The following GRM1 variants were observed in gnomAD, a reference collection of about 807,000 sequenced individuals.
GRM1 encodes metabotropic glutamate receptor 1.
Under a neutral mutation model 90.9 loss-of-function variants are expected in GRM1, and 33 were observed. The observed-to-expected ratio is 0.36, with a 90% CI of 0.28 to 0.49. GRM1 has a LOEUF of 0.49. Among genes scored for constraint, GRM1 ranks in the 20% least tolerant of loss-of-function variants. GRM1 has a pLI of 0.99. For missense variants in GRM1, 1,190 were observed against 1,534.3 expected, an observed-to-expected ratio of 0.78 and a Z score of 3.75; for synonymous variants, 700 against 613.2, an observed-to-expected ratio of 1.14 and a Z score of -2.09.
chr6:146,430,405 G>C (rs1215958814), intron 7 of GRM1, among the ~76,000 whole-genome samples: 2 of 152,150 alleles, frequency 1.3e-5, no homozygotes, highest in East Asian at 1.9e-4. Flanking sequence ...CTCTGCATTT[G>C]ATCTTCAAAT....
chr6:146,242,304 C>T (rs1400756003), intron 2 of GRM1, among the ~76,000 whole-genome samples: 1 of 152,148 alleles, frequency 6.6e-6, no homozygotes, highest in Non-Finnish European at 1.5e-5. Context: ...CTCTTCAATA[C>T]TCAGCTCTGT....
intron 7 of GRM1, among the ~76,000 whole-genome samples, chr6:146,401,671 AG>A (rs1344311608): frequency 1.3e-5 from 2 of 152,160 alleles, no homozygotes; most frequent in Admixed American, 6.5e-5. Flanking sequence ...GTTCTTCAGA[AG>A]CTTCCTTGTA....
At chr6:146,197,254 T>C (rs1010216440) in intron 2 of GRM1, among the ~76,000 whole-genome samples, 3 of 152,226 alleles carry the variant, frequency 2.0e-5, no homozygotes, top group Non-Finnish European at 2.9e-5. Flanking sequence ...GGGCTCTGTA[T>C]TGGTCTTATT....
intron 2 of GRM1, among the ~76,000 whole-genome samples, chr6:146,256,058 C>T (rs62434324): frequency 0.025 from 3,816 of 152,108 alleles, 84 homozygotes; most frequent in Admixed American, 0.086. Context: ...GGTAGAGGGG[C>T]GAGATACACT....
intron 2 of GRM1, among the ~76,000 whole-genome samples, chr6:146,256,845 G>T (rs1781498046): frequency 1.3e-5 from 2 of 152,096 alleles, no homozygotes; most frequent in African/African-American, 4.8e-5. Context: ...AACCAGAAAA[G>T]CTGCTCCCTG....
chr6:146,399,770 TC>T lies in GRM1; in HGVS notation c.2660+72del. The T allele has an allele frequency of 1.9e-6, 2 of 1,061,618 alleles. No homozygotes were observed. Among genetic ancestry groups the T allele is most frequent in the Non-Finnish European group, 1.4e-6 (1 of 714,554 alleles). 65.8% of individuals were successfully genotyped at this position (1,061,618 alleles called of 1,614,324 possible). ...GTCTCTTTCTCTCTCTCTCTCTCTCTCTCTTTCTCTGTCTCTCATATCTTCC... is the reference window on the plus strand; with the variant it reads ...GTCTCTTTCTCTCTCTCTCTCTCTCTTCTTTCTCTGTCTCTCATATCTTCC... On this transcript the variant is annotated intron_variant, in intron 7 of 7. Coordinates refer to ENST00000282753, the MANE Select transcript of GRM1 (RefSeq NM_001278064.2). The surrounding 1 kb of genome is among the most constrained non-coding windows in gnomAD (Gnocchi z 5.4).
intron 1 of GRM1, among the ~76,000 whole-genome samples, chr6:146,157,598 T>G (rs1777566829): frequency 1.3e-5 from 2 of 151,974 alleles, no homozygotes; most frequent in South Asian, 4.1e-4. Context: ...AGAGGGACAA[T>G]GAGGTCAGGG....
intron 5 of GRM1, among the ~76,000 whole-genome samples, chr6:146,381,964 A>T (rs952435243): frequency 2.6e-5 from 4 of 152,188 alleles, no homozygotes; most frequent in Admixed American, 2.0e-4. Context: ...TAAATGTTTT[A>T]AGACACTCAC....
intron 2 of GRM1, among the ~76,000 whole-genome samples, chr6:146,255,179 T>C (rs1384386429): frequency 6.6e-6 from 1 of 152,200 alleles, no homozygotes; most frequent in Non-Finnish European, 1.5e-5. Flanking sequence ...TAATCTTGAC[T>C]GTATTGAAAA....
At chr6:146,243,645 G>A (rs572692260) in intron 2 of GRM1, among the ~76,000 whole-genome samples, 22 of 152,198 alleles carry the variant, frequency 1.4e-4, no homozygotes, top group African/African-American at 4.1e-4. Flanking sequence ...GAGGCAGGGC[G>A]AGATCACAGG....
At chr6:146,363,463 T>C (rs982115591) in intron 5 of GRM1, among the ~76,000 whole-genome samples, 1 of 152,226 alleles carries the variant, frequency 6.6e-6, no homozygotes, top group African/African-American at 2.4e-5. Flanking sequence ...ATACCCATTC[T>C]TGACCACAAT....
intron 1 of GRM1, among the ~76,000 whole-genome samples, chr6:146,046,218 A>G: frequency 6.6e-6 from 1 of 152,036 alleles, no homozygotes; most frequent in Non-Finnish European, 1.5e-5. Context: ...ATATTCTACT[A>G]TAGCTTGTAT....
At chr6:146,282,528 T>A (rs1782606991) in intron 2 of GRM1, among the ~76,000 whole-genome samples, 4 of 151,672 alleles carry the variant, frequency 2.6e-5, no homozygotes. Context: ...ACAGAATGAA[T>A]GTCTCTCCTT....
chr6:146,332,698 G>A (rs1029945465), intron 3 of GRM1, among the ~76,000 whole-genome samples: 1 of 152,190 alleles, frequency 6.6e-6, no homozygotes, highest in African/African-American at 2.4e-5. Context: ...AACTTTCACA[G>A]GTTTCGGAAA....
At chr6:146,270,649 T>TA (rs1782081985) in intron 2 of GRM1, among the ~76,000 whole-genome samples, 1 of 152,156 alleles carries the variant, frequency 6.6e-6, no homozygotes, top group African/African-American at 2.4e-5. Flanking sequence ...ACACCTGAGA[T>TA]AGTTGGTCAC....
chr6:146,144,395 G>A (rs1211117359), intron 1 of GRM1, among the ~76,000 whole-genome samples: 1 of 152,132 alleles, frequency 6.6e-6, no homozygotes, highest in African/African-American at 2.4e-5. Context: ...TGGAACTTGT[G>A]GCTTTATAGA....
At chr6:146,326,784 G>C (rs1784415966) in intron 3 of GRM1, among the ~76,000 whole-genome samples, 2 of 152,102 alleles carry the variant, frequency 1.3e-5, no homozygotes, top group African/African-American at 4.8e-5. Context: ...GCCTGGATGT[G>C]TTTTATGCAT....
At chr6:146,030,702 C>A (rs1291476408) in intron 1 of GRM1, among the ~76,000 whole-genome samples, 1 of 152,184 alleles carries the variant, frequency 6.6e-6, no homozygotes, top group East Asian at 1.9e-4. Flanking sequence ...TCCTCTTGTA[C>A]CCCTTCTTAC....
At chr6:146,139,983 TCCGCTTCCC>T (rs1776787484) in intron 1 of GRM1, among the ~76,000 whole-genome samples, 1 of 121,566 alleles carries the variant, frequency 8.2e-6, no homozygotes, top group African/African-American at 3.1e-5. Flanking sequence ...TCCGCTTCCC[TCCGCTTCCC>T]TCCGCTTCCC....
Sources: allele counts gnomAD v4.1 joint callset (sites outside exome capture counted in the v4.1 genomes callset), GRCh38; gene constraint gnomAD v4.1.1; non-coding constraint Gnocchi (gnomAD v3.1); transcripts MANE v1.5; gene names NCBI Gene and HGNC (gene_info 2026-07-23, HGNC 2026-07-21).